Variants in IL12RB2 observed in about 807,000 individuals in gnomAD.
IL12RB2 encodes interleukin 12 receptor subunit beta 2, also known as interleukin-12 receptor subunit beta-2.
A neutral mutation model predicts 89.4 loss-of-function variants in IL12RB2; 82 were observed. That is an observed-to-expected ratio of 0.92 (90% CI 0.77 to 1.10). The LOEUF is 1.10. Ranked by LOEUF, IL12RB2 falls within the 50% of genes least tolerant of loss-of-function variation. The pLI, the probability that IL12RB2 is intolerant of heterozygous loss-of-function variation, is 0.00. For synonymous variants in IL12RB2, 368 were observed against 370.1 expected, an observed-to-expected ratio of 0.99 and a Z score of 0.07; for missense variants, 963 against 1,031.9, an observed-to-expected ratio of 0.93 and a Z score of 0.92.
chr1:67,340,897 T>G (rs530718827), intron 9 of IL12RB2, among the ~76,000 whole-genome samples: 1 of 152,350 alleles, frequency 6.6e-6, no homozygotes, highest in South Asian at 2.1e-4. Context: ...GCTCTTCTAG[T>G]TCAGCCTTCC....
intron 15 of IL12RB2, among the ~76,000 whole-genome samples, chr1:67,388,166 C>CA (rs967637752): frequency 2.6e-4 from 40 of 151,320 alleles, no homozygotes; most frequent in East Asian, 1.4e-3. Flanking sequence ...GCAATAAGAA[C>CA]AAAAAAAACA....
intron 15 of IL12RB2, among the ~76,000 whole-genome samples, chr1:67,387,416 T>G (rs1262824835): frequency 1.3e-5 from 2 of 151,768 alleles, no homozygotes; most frequent in African/African-American, 4.8e-5. Flanking sequence ...TTAAATAGTA[T>G]GGCAGGCCGG....
chr1:67,352,739 A>T (rs1035152943), intron 10 of IL12RB2, among the ~76,000 whole-genome samples: 1 of 152,282 alleles, frequency 6.6e-6, no homozygotes, highest in Non-Finnish European at 1.5e-5. Context: ...AAGAAGTATA[A>T]AAGGAGCAAC....
At chr1:67,374,476 C>CTTTTTTTTT in intron 13 of IL12RB2, among the ~76,000 whole-genome samples, 1 of 136,574 alleles carries the variant, frequency 7.3e-6, no homozygotes, top group Non-Finnish European at 1.6e-5. Context: ...TCTGTTTATT[C>CTTTTTTTTT]TTTTTTTTTT....
chr1:67,397,341 C>T lies in IL12RB2; in HGVS notation c.*1252C>T, dbSNP rs977288347. On this transcript the variant is annotated 3_prime_UTR_variant, in exon 17 of 17. Transcript: ENST00000674203. ...AAGGGCTGGACCAAAGGCTCCCTGACCCCTTGTTTCCTCTCCTTTTTGCTG... is the reference window on the plus strand; with the variant it reads ...AAGGGCTGGACCAAAGGCTCCCTGATCCCTTGTTTCCTCTCCTTTTTGCTG... Among the ~76,000 whole-genome samples, 14 of 152,106 alleles carry T rather than the reference C, an allele frequency of 9.2e-5. No individual in the cohort carries two copies. The highest frequency in any genetic ancestry group is 3.1e-4 in the African/African-American group (13 of 41,400).
At chr1:67,320,764 G>A (rs1656386257) in intron 3 of IL12RB2, among the ~76,000 whole-genome samples, 1 of 151,380 alleles carries the variant, frequency 6.6e-6, no homozygotes, top group Non-Finnish European at 1.5e-5. Flanking sequence ...TATACTTTAA[G>A]TTCTGGGATA....
intron 8 of IL12RB2, among the ~76,000 whole-genome samples, chr1:67,331,095 T>C (rs1360865722): frequency 6.6e-6 from 1 of 152,220 alleles, no homozygotes; most frequent in Admixed American, 6.5e-5. Flanking sequence ...TCTCTTACTA[T>C]CTCAGTAACT....
rs1217048022 is a variant in IL12RB2 at position 67,330,702 on chromosome 1, C to A, written c.850C>A (p.Leu284Met). The change falls in exon 8 of 17, where the codon CTG becomes ATG. Residue 284 changes from leucine (L) to methionine (M), a missense_variant. Transcript: ENST00000674203. The stretch of plus-strand genomic sequence containing the variant: ...CAAAGGAAGACATGATTTGCTGGAT[C>A]TGAAACCATTTACAGAATATGAATT... ...KAKGRHDLLD[L>M]KPFTEYEFQI... is the part of the protein sequence containing the mutation. The A allele has an allele frequency of 6.5e-7, 1 of 1,549,700 alleles. No individual in the cohort carries two copies. The highest frequency in any genetic ancestry group is 8.9e-7 in the Non-Finnish European group (1 of 1,121,540).
chr1:67,329,773 A>C, intron 7 of IL12RB2, 44 bp downstream of exon 7: 1 of 1,337,092 alleles, frequency 7.5e-7, no homozygotes, highest in Non-Finnish European at 1.1e-6. Flanking sequence ...AAGCATTCTT[A>C]ATATTGCTGC....
At chr1:67,375,629 C>T (rs942431216) in intron 13 of IL12RB2, among the ~76,000 whole-genome samples, 2 of 151,984 alleles carry the variant, frequency 1.3e-5, no homozygotes, top group African/African-American at 4.8e-5. Context: ...AACCAGGCAG[C>T]AGTATTAAGG....
chr1:67,336,480 C>T (rs1658775106), intron 8 of IL12RB2, among the ~76,000 whole-genome samples: 1 of 152,114 alleles, frequency 6.6e-6, no homozygotes, highest in Non-Finnish European at 1.5e-5. Flanking sequence ...CTGGGCCACT[C>T]TTCATATTCC....
chr1:67,341,832 A>T (rs962921875), intron 9 of IL12RB2, among the ~76,000 whole-genome samples: 1 of 152,220 alleles, frequency 6.6e-6, no homozygotes, highest in Non-Finnish European at 1.5e-5. Context: ...GGAAACACTG[A>T]CCAGAGTTAC....
chr1:67,395,474 G>C (rs1040135774), intron 16 of IL12RB2, 73 bp from the exon 17 acceptor site: 2 of 1,612,710 alleles, frequency 1.2e-6, no homozygotes, highest in African/African-American at 2.7e-5. Context: ...GAGGCCTTTG[G>C]GAACCCTGGA....
Position 67,320,432 on chromosome 1 carries a change from A to G in IL12RB2, c.64A>G (p.Lys22Glu), listed in dbSNP as rs1485078302. ...FMFIITWLLI[K>E]AKIDACKRGD... ...GTTTATAATCACGTGGCTGTTGATT[A>G]AAGCAAAAATAGGTAAGATATTTCT... The change falls in exon 3 of 17, where the codon AAA (lysine) becomes GAA (glutamate). Residue 22 changes from lysine to glutamate, a missense_variant. Transcript: ENST00000674203. 1 of 1,613,932 alleles carries G rather than the reference A, an allele frequency of 6.2e-7. No homozygotes were observed. The highest frequency in any genetic ancestry group is 1.3e-5 in the African/African-American group (1 of 75,052).
chr1:67,368,313 T>C (rs2100988037), intron 11 of IL12RB2, among the ~76,000 whole-genome samples: 1 of 152,372 alleles, frequency 6.6e-6, no homozygotes, highest in Non-Finnish European at 1.5e-5. Flanking sequence ...AGAGCTAAGT[T>C]AACTGCCCAG....
intron 10 of IL12RB2, among the ~76,000 whole-genome samples, chr1:67,352,415 A>G (rs988321356): frequency 6.6e-6 from 1 of 152,164 alleles, no homozygotes; most frequent in Non-Finnish European, 1.5e-5. Context: ...CTTATGATGG[A>G]AATGGTCCAA....
rs893096843 is a variant in IL12RB2 at position 67,398,515 on chromosome 1, G to C, written c.*2426G>C. Among the ~76,000 whole-genome samples, 5 of 147,758 alleles carry C rather than the reference G, an allele frequency of 3.4e-5. No homozygotes were observed. Among genetic ancestry groups the C allele is most frequent in the Admixed American group, 1.3e-4 (2 of 14,836 alleles). On this transcript the variant is annotated 3_prime_UTR_variant, in exon 17 of 17. Transcript: ENST00000674203. Reference sequence around the variant, plus strand: ...CATTTGTCTTCCCAAAAAAAAAAAAGAATTTTTTTTTTTTTAAGGAATCCT... The same window carrying C: ...CATTTGTCTTCCCAAAAAAAAAAAACAATTTTTTTTTTTTTAAGGAATCCT...
intron 9 of IL12RB2, 96 bp from the exon 10 acceptor site, chr1:67,350,774 G>A: frequency 6.4e-7 from 1 of 1,563,016 alleles, no homozygotes; most frequent in Non-Finnish European, 8.7e-7. Context: ...TCACTCAGCT[G>A]TAGCTGCCTA....
intron 7 of IL12RB2, 100 bp downstream of exon 7, chr1:67,329,829 A>G: frequency 1.2e-6 from 1 of 859,846 alleles, no homozygotes. Flanking sequence ...GTTTAAGAAT[A>G]TTTATCCCAA....
Sources: allele counts gnomAD v4.1 joint callset (sites outside exome capture counted in the v4.1 genomes callset), GRCh38; gene constraint gnomAD v4.1.1; transcripts MANE v1.5; gene names NCBI Gene and HGNC (gene_info 2026-07-23, HGNC 2026-07-21).